Variants in ETV6 observed in about 807,000 individuals in gnomAD.
ETV6 encodes ETS variant transcription factor 6, also known as transcription factor ETV6.
ETV6 carries 16 observed loss-of-function variants against 51.1 expected under a neutral mutation model. The ratio of observed to expected loss-of-function variants is 0.31; its 90% CI spans 0.21 to 0.48. The LOEUF (loss-of-function observed/expected upper bound fraction) is 0.48. Ranked by LOEUF, ETV6 falls within the 20% of genes least tolerant of loss-of-function variation. ETV6 has a pLI of 0.99. For synonymous variants in ETV6, 240 were observed against 224.1 expected, an observed-to-expected ratio of 1.07 and a Z score of -0.64; for missense variants, 458 against 594.8, an observed-to-expected ratio of 0.77 and a Z score of 2.39.
Position 11,688,454 on chromosome 12 carries a change from A to G in ETV6, c.33+38294A>G, listed in dbSNP as rs116077842. ...TGGCTGTCTAGTGGTTTGATTTTCC[A>G]TTAGCCCTTTCTCCCTTGGCCTTAA... On this transcript the variant is annotated intron_variant, in intron 1 of 7. Transcript: ENST00000396373. Among the ~76,000 whole-genome samples, 341 of 152,226 alleles carry G rather than the reference A, an allele frequency of 2.2e-3. 2 individuals carry two copies. Among genetic ancestry groups the G allele is most frequent in the African/African-American group, 8.0e-3 (331 of 41,524 alleles).
At chr12:11,841,631 C>T (rs1946391848) in intron 3 of ETV6, among the ~76,000 whole-genome samples, 1 of 152,184 alleles carries the variant, frequency 6.6e-6, no homozygotes, top group South Asian at 2.1e-4. Flanking sequence ...CACCAAGCAA[C>T]TCTATGCCAG....
intron 2 of ETV6, among the ~76,000 whole-genome samples, chr12:11,819,050 C>A (rs1330956484): frequency 6.6e-6 from 1 of 152,218 alleles, no homozygotes; most frequent in Non-Finnish European, 1.5e-5. Context: ...GCCTCTTTCT[C>A]ATTTGCACCT....
intron 2 of ETV6, among the ~76,000 whole-genome samples, chr12:11,789,415 A>G (rs1335266176): frequency 6.6e-6 from 1 of 152,110 alleles, no homozygotes; most frequent in East Asian, 1.9e-4. Flanking sequence ...AGTAGTTCAG[A>G]TGCCATAGGT....
At chr12:11,668,032 A>G (rs1864228824) in intron 1 of ETV6, among the ~76,000 whole-genome samples, 1 of 151,696 alleles carries the variant, frequency 6.6e-6, no homozygotes, top group Admixed American at 6.6e-5. Flanking sequence ...ACAAGGTCTC[A>G]CTATGTTGCC....
At chr12:11,677,380 T>C (rs1239559586) in intron 1 of ETV6, among the ~76,000 whole-genome samples, 2 of 152,330 alleles carry the variant, frequency 1.3e-5, no homozygotes, top group South Asian at 2.1e-4. Context: ...AGATAGCATA[T>C]GCATCTAGAT....
chr12:11,719,352 G>A lies in ETV6; in HGVS notation c.34-33098G>A, dbSNP rs74060811. On this transcript the variant is annotated intron_variant, in intron 1 of 7. Coordinates refer to ENST00000396373, the MANE Select transcript of ETV6 (RefSeq NM_001987.5). Reference sequence around the variant, plus strand: ...CAATCTCATGCATATTAAAAATACCGACAAACATAGACCCACGAAAGATCC... The same window carrying A: ...CAATCTCATGCATATTAAAAATACCAACAAACATAGACCCACGAAAGATCC... Among the ~76,000 whole-genome samples the A allele has an allele frequency of 1.4e-3, 220 of 152,314 alleles. 2 individuals carry two copies. Among genetic ancestry groups the A allele is most frequent in the African/African-American group, 5.1e-3 (210 of 41,572 alleles).
Position 11,739,076 on chromosome 12 carries a change from AAGAG to A in ETV6, c.34-13364_34-13361del, listed in dbSNP as rs576287649. ...AAATTTGTTAGGTAATTTTTAAAAA[AAGAG>A]AGAGAGAGACAGAGAAGACTTAATT... On this transcript the variant is annotated intron_variant, in intron 1 of 7. Coordinates refer to ENST00000396373, the MANE Select transcript of ETV6 (RefSeq NM_001987.5). Among the ~76,000 whole-genome samples the A allele has an allele frequency of 3.5e-3, 534 of 152,204 alleles. 2 individuals carry two copies. Among genetic ancestry groups the A allele is most frequent in the Non-Finnish European group, 6.1e-3 (417 of 68,006 alleles).
intron 4 of ETV6, among the ~76,000 whole-genome samples, chr12:11,862,158 T>C (rs565971009): frequency 6.6e-6 from 1 of 152,314 alleles, no homozygotes; most frequent in Non-Finnish European, 1.5e-5. Context: ...TTTCATCAAA[T>C]GCTTATAAAA....
At chr12:11,840,392 G>C in intron 3 of ETV6, 1 of 455,994 alleles carries the variant, frequency 2.2e-6, no homozygotes, top group South Asian at 1.5e-5. Context: ...TGTGGTCTCA[G>C]GTTTATGCCT....
chr12:11,775,175 G>C (rs1945301917), intron 2 of ETV6, among the ~76,000 whole-genome samples: 1 of 152,192 alleles, frequency 6.6e-6, no homozygotes, highest in African/African-American at 2.4e-5. Flanking sequence ...GGGAGTAAAG[G>C]AAAAAGCTGG....
intron 2 of ETV6, among the ~76,000 whole-genome samples, chr12:11,799,704 T>A (rs2136400629): frequency 6.6e-6 from 1 of 152,334 alleles, no homozygotes; most frequent in Admixed American, 6.5e-5. Context: ...CTCCCCTTCT[T>A]GGTCCCCAAA....
At chr12:11,773,209 AAAAT>A (rs1565520563) in intron 2 of ETV6, among the ~76,000 whole-genome samples, 4 of 135,566 alleles carry the variant, frequency 3.0e-5, no homozygotes, top group South Asian at 2.5e-4. Flanking sequence ...AAAAAAAAAA[AAAAT>A]GAAATCTTGA....
intron 1 of ETV6, among the ~76,000 whole-genome samples, chr12:11,731,412 T>C (rs1865595070): frequency 6.6e-6 from 1 of 152,224 alleles, no homozygotes; most frequent in Admixed American, 6.5e-5. Context: ...GCAGGATGCT[T>C]ATGGAGAAAA....
intron 5 of ETV6, among the ~76,000 whole-genome samples, chr12:11,882,576 G>T (rs543124925): frequency 6.6e-6 from 1 of 152,178 alleles, no homozygotes; most frequent in Non-Finnish European, 1.5e-5. Flanking sequence ...CAGGCTTGTC[G>T]AAGCCACAGC....
chr12:11,882,778 T>C (rs532799919), intron 5 of ETV6, among the ~76,000 whole-genome samples: 1 of 152,222 alleles, frequency 6.6e-6, no homozygotes, highest in East Asian at 1.9e-4. Flanking sequence ...CTTGTAAATA[T>C]ACCCCCAGAG....
intron 2 of ETV6, among the ~76,000 whole-genome samples, chr12:11,782,338 T>C (rs1945425112): frequency 6.6e-6 from 1 of 152,236 alleles, no homozygotes; most frequent in African/African-American, 2.4e-5. Flanking sequence ...TGTTAATCAA[T>C]GTATCTACTC....
chr12:11,861,982 C>G (rs1002153568), intron 4 of ETV6, among the ~76,000 whole-genome samples: 1 of 152,146 alleles, frequency 6.6e-6, no homozygotes, highest in Non-Finnish European at 1.5e-5. Flanking sequence ...TCTGCAGCCC[C>G]GACTGTGAGG....
intron 2 of ETV6, among the ~76,000 whole-genome samples, chr12:11,776,801 C>A (rs969826556): frequency 6.6e-6 from 1 of 152,188 alleles, no homozygotes; most frequent in Non-Finnish European, 1.5e-5. Context: ...AATTCCTTTT[C>A]TAATAACCCA....
rs1049886492 is a variant in ETV6 at position 11,650,056 on chromosome 12, C to A, written c.-72C>A. 2.1e-6 allele frequency: 3 copies of A among 1,411,976 alleles called. No homozygotes were observed. In the African/African-American group the frequency reaches 4.2e-5, roughly 20 times the overall value. 87.5% of individuals were successfully genotyped at this position (1,411,976 alleles called of 1,614,324 possible). ...GACCGCGTCTGGCTGGCCGTGGAGC[C>A]TTTCTGGGTTGGGGAGAGGAAAGGA... On this transcript the variant is annotated 5_prime_UTR_variant, in exon 1 of 8. Transcript: ENST00000396373.
Sources: allele counts gnomAD v4.1 joint callset (sites outside exome capture counted in the v4.1 genomes callset), GRCh38; gene constraint gnomAD v4.1.1; transcripts MANE v1.5; gene names NCBI Gene and HGNC (gene_info 2026-07-23, HGNC 2026-07-21).